The following KCNH1 variants were observed in gnomAD, a reference collection of about 807,000 sequenced individuals.
KCNH1 encodes potassium voltage-gated channel subfamily H member 1.
Under a neutral mutation model 69.2 loss-of-function variants are expected in KCNH1, and 27 were observed. That is an observed-to-expected ratio of 0.39 (90% CI 0.29 to 0.54). The LOEUF (loss-of-function observed/expected upper bound fraction) is 0.54. KCNH1 is among the 20% of genes least tolerant of loss of function. The probability of loss-of-function intolerance (pLI) is 0.68; values close to 1 mark genes in which losing one functional copy is unlikely to be tolerated. For missense variants in KCNH1, 798 were observed against 1,261.6 expected (o/e 0.63, Z 5.57); for synonymous variants, 456 against 487.7 (o/e 0.93, Z 0.86).
intron 7 of KCNH1, among the ~76,000 whole-genome samples, chr1:210,874,569 G>C (rs183044698): frequency 6.6e-6 from 1 of 152,226 alleles, no homozygotes; most frequent in East Asian, 1.9e-4. Flanking sequence ...AGGCAAGAGA[G>C]GAAACCTAAG....
chr1:210,690,319 G>A (rs1181639544), intron 10 of KCNH1, among the ~76,000 whole-genome samples: 3 of 152,200 alleles, frequency 2.0e-5, no homozygotes, highest in Non-Finnish European at 4.4e-5. Context: ...TGCACACACT[G>A]TATAGCTCCT....
intron 7 of KCNH1, among the ~76,000 whole-genome samples, chr1:210,824,908 A>T (rs1685004141): frequency 6.6e-6 from 1 of 152,160 alleles, no homozygotes; most frequent in Non-Finnish European, 1.5e-5. Context: ...ACTTTTACAG[A>T]TCTTTTGAAG....
intron 5 of KCNH1, among the ~76,000 whole-genome samples, chr1:211,038,042 C>T (rs1432417182): frequency 1.3e-5 from 2 of 149,412 alleles, no homozygotes; most frequent in African/African-American, 5.0e-5. Context: ...TCACTGCAAG[C>T]TCCACCTCCC....
intron 5 of KCNH1, among the ~76,000 whole-genome samples, chr1:211,031,310 AG>A (rs1296715695): frequency 6.6e-6 from 1 of 152,200 alleles, no homozygotes; most frequent in Non-Finnish European, 1.5e-5. Context: ...ATTCTACCAG[AG>A]GTACAAGGAG....
At chr1:210,857,578 C>A (rs1168837824) in intron 7 of KCNH1, among the ~76,000 whole-genome samples, 1 of 152,078 alleles carries the variant, frequency 6.6e-6, no homozygotes, top group African/African-American at 2.4e-5. Context: ...TGCAGTGTTG[C>A]AATCTTTTTC....
chr1:210,742,095 A>G (rs980823395), intron 10 of KCNH1, among the ~76,000 whole-genome samples: 6 of 152,334 alleles, frequency 3.9e-5, no homozygotes, highest in African/African-American at 1.4e-4. Flanking sequence ...CTGCCTAACC[A>G]AAGGCCTTCT....
intron 6 of KCNH1, among the ~76,000 whole-genome samples, chr1:210,954,211 C>A (rs915698043): frequency 1.3e-5 from 2 of 152,124 alleles, no homozygotes; most frequent in African/African-American, 4.8e-5. Flanking sequence ...CAGCATCGTC[C>A]ATGTCCCAGA....
intron 10 of KCNH1, among the ~76,000 whole-genome samples, chr1:210,737,740 C>T (rs1205754022): frequency 6.6e-6 from 1 of 152,174 alleles, no homozygotes; most frequent in African/African-American, 2.4e-5. Flanking sequence ...TGCAACTGTC[C>T]ACTCTCAAAC....
chr1:211,086,931 GTCC>G (rs1690962631), intron 4 of KCNH1, among the ~76,000 whole-genome samples: 4 of 152,126 alleles, frequency 2.6e-5, no homozygotes. Flanking sequence ...CTGCCTAAGC[GTCC>G]TCAAGTCTCC....
chr1:210,844,652 A>G (rs1558493640), intron 7 of KCNH1, among the ~76,000 whole-genome samples: 2 of 152,342 alleles, frequency 1.3e-5, no homozygotes, highest in East Asian at 3.9e-4. Context: ...ACACCCTAAC[A>G]TCACCATTAA....
At chr1:210,931,594 A>G (rs1054911035) in intron 6 of KCNH1, among the ~76,000 whole-genome samples, 2 of 152,168 alleles carry the variant, frequency 1.3e-5, no homozygotes, top group Non-Finnish European at 2.9e-5. Context: ...GTGCATCAAA[A>G]TCTCAGAAAT....
At chr1:211,066,221 A>C (rs1397917809) in intron 5 of KCNH1, among the ~76,000 whole-genome samples, 1 of 152,176 alleles carries the variant, frequency 6.6e-6, no homozygotes, top group Non-Finnish European at 1.5e-5. Flanking sequence ...GATTTCTGAA[A>C]ATTGAGAAAG....
intron 7 of KCNH1, among the ~76,000 whole-genome samples, chr1:210,808,246 C>G (rs982783686): frequency 3.9e-5 from 6 of 152,200 alleles, no homozygotes; most frequent in African/African-American, 1.2e-4. Context: ...AGATGTGCCT[C>G]TTTTTAGGAT....
intron 7 of KCNH1, among the ~76,000 whole-genome samples, chr1:210,829,011 A>G (rs1685101701): frequency 6.6e-6 from 1 of 152,212 alleles, no homozygotes; most frequent in Non-Finnish European, 1.5e-5. Flanking sequence ...GCCATCATGG[A>G]GGTGTGCATA....
chr1:211,002,816 A>G, intron 6 of KCNH1, among the ~76,000 whole-genome samples: 1 of 152,190 alleles, frequency 6.6e-6, no homozygotes, highest in East Asian at 1.9e-4. Flanking sequence ...ACTGTAAGAT[A>G]GACACAGGGG....
At chr1:211,128,354 C>A (rs1340752991) in intron 1 of KCNH1, among the ~76,000 whole-genome samples, 4 of 151,064 alleles carry the variant, frequency 2.6e-5, no homozygotes, top group Non-Finnish European at 1.5e-5. Flanking sequence ...GGAATTGCCA[C>A]CCGACAAAAG....
chr1:210,680,672 T>C lies in KCNH1; in HGVS notation c.*2609A>G, dbSNP rs997760286. The C allele has an allele frequency of 1.3e-5, 2 of 152,168 alleles. No individual in the cohort carries two copies. The highest frequency in any genetic ancestry group is 4.8e-5 in the African/African-American group (2 of 41,444). The allele number at this position is 152,168 out of a possible 1,614,324, so 9.4% of individuals were successfully genotyped here. ...AGAAAGGTTTGGCTCATTTACACAA[T>C]GTTTTTTCAAAGAAAACAATTACAG... On this transcript the variant is annotated 3_prime_UTR_variant, in exon 11 of 11. Coordinates refer to ENST00000271751, the MANE Select transcript of KCNH1 (RefSeq NM_172362.3).
At chr1:210,780,231 G>A (rs1683950319) in intron 9 of KCNH1, among the ~76,000 whole-genome samples, 1 of 152,172 alleles carries the variant, frequency 6.6e-6, no homozygotes, top group Non-Finnish European at 1.5e-5. Context: ...TTTATTCAAA[G>A]ACAGGCTCTG....
intron 7 of KCNH1, among the ~76,000 whole-genome samples, chr1:210,808,193 T>C (rs1176235278): frequency 6.6e-6 from 1 of 152,244 alleles, no homozygotes; most frequent in Non-Finnish European, 1.5e-5. Flanking sequence ...GCTTCAGCTC[T>C]GTTTTCTGAT....
Sources: gnomAD v4.1 joint callset for allele counts (sites outside exome capture counted in the v4.1 genomes callset) on GRCh38, gnomAD v4.1.1 for gene constraint, MANE v1.5 for transcripts, NCBI Gene and HGNC (gene_info 2026-07-23, HGNC 2026-07-21) for gene names.